Variants in LPA observed in about 807,000 individuals in gnomAD.
LPA encodes apolipoprotein(a).
In LPA, 199 loss-of-function variants were observed where a neutral mutation model predicts 197.9. That is an observed-to-expected ratio of 1.01 (90% CI 0.90 to 1.13). LPA has a LOEUF of 1.13. LPA is among the 50% of genes most tolerant of loss of function. The pLI, the probability that LPA is intolerant of heterozygous loss-of-function variation, is 0.00. For synonymous variants in LPA, 715 were observed against 639.5 expected, an observed-to-expected ratio of 1.12 and a Z score of -1.78; for missense variants, 1,853 against 1,785.8, an observed-to-expected ratio of 1.04 and a Z score of -0.68.
intron 36 of LPA, 144 bp from the exon 37 acceptor site, chr6:160,538,105 G>A (rs529471813): frequency 1.8e-4 from 131 of 712,728 alleles, no homozygotes; most frequent in Non-Finnish European, 3.1e-4. Context: ...GTAGAACACA[G>A]CGTTTCACCC....
At chr6:160,583,962 G>T (rs1414197836) in intron 26 of LPA, among the ~76,000 whole-genome samples, 1 of 152,036 alleles carries the variant, frequency 6.6e-6, no homozygotes, top group African/African-American at 2.4e-5. Context: ...CTCACTTATG[G>T]CAAGAGGCCA....
intron 28 of LPA, among the ~76,000 whole-genome samples, chr6:160,571,632 A>G (rs1778563549): frequency 6.6e-6 from 1 of 152,218 alleles, no homozygotes; most frequent in African/African-American, 2.4e-5. Context: ...GCTGCAGTGC[A>G]CCCTGCCCAG....
chr6:160,600,120 G>A (rs1031374763), intron 19 of LPA, among the ~76,000 whole-genome samples: 1 of 152,150 alleles, frequency 6.6e-6, no homozygotes, highest in Non-Finnish European at 1.5e-5. Flanking sequence ...AAAAAAGAAA[G>A]CATTAAACTC....
At chr6:160,539,444 G>GT (rs1777943626) in intron 36 of LPA, among the ~76,000 whole-genome samples, 2 of 146,694 alleles carry the variant, frequency 1.4e-5, no homozygotes, top group East Asian at 3.9e-4. Context: ...ATGTTGTGTG[G>GT]GTTTTTTTTT....
At chr6:160,591,337 C>T (rs559785646) in intron 22 of LPA, among the ~76,000 whole-genome samples, 14 of 152,240 alleles carry the variant, frequency 9.2e-5, no homozygotes, top group Non-Finnish European at 1.6e-4. Context: ...ATAAGAAAAC[C>T]GAGAGAAAAC....
At chr6:160,575,910 G>T (rs1285672802) in intron 28 of LPA, among the ~76,000 whole-genome samples, 1 of 152,130 alleles carries the variant, frequency 6.6e-6, no homozygotes, top group Non-Finnish European at 1.5e-5. Flanking sequence ...TTATTACCAA[G>T]TGTAGAAAAT....
intron 30 of LPA, among the ~76,000 whole-genome samples, chr6:160,551,231 C>T (rs1258376099): frequency 6.6e-6 from 1 of 152,168 alleles, no homozygotes; most frequent in Non-Finnish European, 1.5e-5. Context: ...TAATAATATC[C>T]ATGTCCATTG....
chr6:160,608,886 G>A (rs1779419295), intron 16 of LPA, among the ~76,000 whole-genome samples: 1 of 151,666 alleles, frequency 6.6e-6, no homozygotes, highest in Admixed American at 6.6e-5. Flanking sequence ...TGTGTTGTAT[G>A]TGTATATATG....
intron 28 of LPA, among the ~76,000 whole-genome samples, chr6:160,561,347 T>C (rs1199718944): frequency 1.3e-5 from 2 of 152,254 alleles, no homozygotes; most frequent in Non-Finnish European, 2.9e-5. Flanking sequence ...TGCTTATTTT[T>C]GTCCAGTTTG....
intron 23 of LPA, among the ~76,000 whole-genome samples, chr6:160,590,094 T>A (rs1040723058): frequency 6.6e-6 from 1 of 152,144 alleles, no homozygotes; most frequent in Non-Finnish European, 1.5e-5. Flanking sequence ...GGGGCAGACA[T>A]GAAACCGTCA....
Position 160,605,061 on chromosome 6 carries a change from G to T in LPA, c.2930C>A (p.Ala977Glu), listed in dbSNP as rs1480742345. Residue 977 changes from alanine to glutamate, a missense_variant, in exon 18 of 39, where the codon GCA (alanine) becomes GAA (glutamate). This residue lies in a region of LPA where 1,737 missense variants were observed against 1,504.4 expected (regional missense o/e 1.15). Transcript: ENST00000316300. ...MTPHSHSRTPAYYPNAGLIKN... is the reference protein window; with the variant it reads ...MTPHSHSRTPEYYPNAGLIKN... ...ATAGACATACGCATTTGGGTAGTATGCTGGGGTCCGACTATGCGAGTGTGG... is the reference window on the plus strand; with the variant it reads ...ATAGACATACGCATTTGGGTAGTATTCTGGGGTCCGACTATGCGAGTGTGG... 6.8e-6 allele frequency: 11 copies of T among 1,613,780 alleles called. No homozygotes were observed. Among genetic ancestry groups the T allele is most frequent in the Non-Finnish European group, 8.5e-6 (10 of 1,179,772 alleles).
intron 26 of LPA, among the ~76,000 whole-genome samples, chr6:160,581,539 C>T (rs1778801727): frequency 6.6e-6 from 1 of 152,108 alleles, no homozygotes; most frequent in African/African-American, 2.4e-5. Context: ...TCATCTCAGG[C>T]AATCCTCTCA....
At position 160,609,654 on chromosome 6, in the gene LPA, C is replaced by T. The variant is rs376036079; in HGVS notation, c.2603+1908G>A. Among the ~76,000 whole-genome samples the T allele has an allele frequency of 4.6e-3, 703 of 152,192 alleles. 4 individuals are homozygous for T. Among genetic ancestry groups the T allele is most frequent in the Non-Finnish European group, 7.7e-3 (525 of 68,020 alleles). On this transcript the variant is annotated intron_variant, in intron 16 of 38. Transcript: ENST00000316300. ...TTTGTATCTACTCCAAACTCCCTTG[C>T]TCTTTACTGTGACTTGCTTCCCACA...
rs188416799 is a variant in LPA, at chr6:160,564,394, C to T, written c.4632-6823G>A. ...TTTAAGAATGTTGAATATTCTACAT[C>T]TTTCTTTGGCACTGGATGTTTCCTG... On this transcript the variant is annotated intron_variant, in intron 28 of 38. Transcript: ENST00000316300. Among the ~76,000 whole-genome samples the T allele has an allele frequency of 1.4e-4, 21 of 152,332 alleles. No individual in the cohort carries two copies. In the East Asian group the frequency reaches 2.7e-3, roughly 20 times the overall value.
chr6:160,643,211 A>G (rs1779872163), intron 4 of LPA, among the ~76,000 whole-genome samples: 3 of 141,598 alleles, frequency 2.1e-5, no homozygotes, highest in Admixed American at 7.3e-5. Context: ...ATTTTTTTCA[A>G]TTAAGACATA....
At position 160,558,249 on chromosome 6, in the gene LPA, T is replaced by C. The variant is rs755204563; in HGVS notation, c.4632-678A>G. 7.1e-4 allele frequency among the ~76,000 whole-genome samples: 108 copies of C among 152,190 alleles called. 1 individual carries two copies. The highest frequency in any genetic ancestry group is 3.4e-3 in the Middle Eastern group (1 of 294). ...TTTTTTTAATGCACATAAAAATGTA[T>C]TGGTATCTGTCTCATTCTCTGTGTC... On this transcript the variant is annotated intron_variant, in intron 28 of 38. Coordinates refer to ENST00000316300, the MANE Select transcript of LPA (RefSeq NM_005577.4).
intron 1 of LPA, among the ~76,000 whole-genome samples, chr6:160,660,663 T>C (rs1780209060): frequency 6.6e-6 from 1 of 152,200 alleles, no homozygotes; most frequent in South Asian, 2.1e-4. Flanking sequence ...ATAAGCATCT[T>C]CTGAATGGTC....
intron 35 of LPA, 27 bp downstream of exon 35, chr6:160,541,080 C>T: frequency 6.2e-7 from 1 of 1,603,310 alleles, no homozygotes; most frequent in South Asian, 1.1e-5. Context: ...AAGATAAGAC[C>T]CCATGTCAGT....
In LPA at chr6:160,538,107, G is replaced by A. The variant is rs549249029; in HGVS notation, c.5736-146C>T. On this transcript the variant is annotated intron_variant, in intron 36 of 38. Coordinates refer to ENST00000316300, the MANE Select transcript of LPA (RefSeq NM_005577.4). Reference sequence around the variant, plus strand: ...GACACAGAACAATGTAGAACACAGCGTTTCACCCTCACATTTGCCTGTGGT... The same window carrying A: ...GACACAGAACAATGTAGAACACAGCATTTCACCCTCACATTTGCCTGTGGT... 78 of 708,158 alleles carry A rather than the reference G, an allele frequency of 1.1e-4. 1 individual carries two copies. The East Asian group carries it at 2.0e-3, about 18-fold the overall frequency. The allele number at this position is 708,158 out of a possible 1,614,324, so 43.9% of individuals were successfully genotyped here.
Sources: gnomAD v4.1 joint callset for allele counts (sites outside exome capture counted in the v4.1 genomes callset) on GRCh38, gnomAD v4.1.1 for gene constraint, gnomAD v4.1.1 regional missense constraint, MANE v1.5 for transcripts, NCBI Gene and HGNC (gene_info 2026-07-23, HGNC 2026-07-21) for gene names.